Variants in CASK observed in about 807,000 individuals in gnomAD.
CASK encodes the protein calcium/calmodulin dependent serine protein kinase.
Under a neutral mutation model 82.9 loss-of-function variants are expected in CASK, and 4 were observed. That is an observed-to-expected ratio of 0.05 (90% CI 0.02 to 0.11). The LOEUF (loss-of-function observed/expected upper bound fraction) is 0.11, where lower values mean the gene tolerates loss of function less well. Ranked by LOEUF, CASK falls within the 10% of genes least tolerant of loss-of-function variation. The pLI is 1.00. For missense variants in CASK, 358 were observed against 720.9 expected, an observed-to-expected ratio of 0.50 and a Z score of 5.76; for synonymous variants, 259 against 253.5, an observed-to-expected ratio of 1.02 and a Z score of -0.20.
intron 1 of CASK, among the ~76,000 whole-genome samples, chrX:41,884,327 A>T (rs1193149062): frequency 8.9e-6 from 1 of 112,128 alleles, no homozygotes; most frequent in Non-Finnish European, 1.9e-5. Flanking sequence ...ACACCAGACC[A>T]CAAGAAGCCA....
rs1238861128 is a variant in CASK, at chrX:41,768,399, C to T, written c.278+18779G>A. ...GTATGTGTACTAACTCATGTATGCA[C>T]ATATAATTTATGATTTCTGTATATA... is the stretch of plus-strand genomic sequence containing the variant. On this transcript the variant is annotated intron_variant, in intron 3 of 26. Transcript: ENST00000378163. 2.7e-5 allele frequency among the ~76,000 whole-genome samples: 3 copies of T among 111,151 alleles called. 1 individual carries two copies. The highest frequency in any genetic ancestry group is 3.8e-5 in the Non-Finnish European group (2 of 53,094).
intron 2 of CASK, among the ~76,000 whole-genome samples, chrX:41,809,989 G>C (rs1388903042): frequency 2.7e-5 from 3 of 112,344 alleles, no homozygotes; most frequent in Non-Finnish European, 3.8e-5. Flanking sequence ...AAGGGTATCA[G>C]TGACTGAAGA....
At chrX:41,562,651 T>A (rs1383135506) in intron 16 of CASK, 2 of 111,673 alleles carry the variant, frequency 1.8e-5, no homozygotes, top group Non-Finnish European at 3.8e-5. Flanking sequence ...AAAAATATCA[T>A]AATAGAAATA....
chrX:41,861,707 G>A (rs1234626758), intron 1 of CASK, among the ~76,000 whole-genome samples: 1 of 101,306 alleles, frequency 9.9e-6, no homozygotes, highest in African/African-American at 3.7e-5. Context: ...GTTGACATAT[G>A]TGTGTGCGTG....
intron 3 of CASK, among the ~76,000 whole-genome samples, chrX:41,767,486 T>C (rs749038958): frequency 8.9e-6 from 1 of 112,066 alleles, no homozygotes; most frequent in African/African-American, 3.2e-5. Flanking sequence ...AGAGTAACTC[T>C]GGTACATTAC....
intron 2 of CASK, among the ~76,000 whole-genome samples, chrX:41,787,760 A>G (rs2069641611): frequency 9.0e-6 from 1 of 111,619 alleles, no homozygotes; most frequent in South Asian, 3.7e-4. Context: ...TTATAGACCT[A>G]TCAGGGAAGT....
intron 25 of CASK, among the ~76,000 whole-genome samples, chrX:41,527,895 T>C (rs1451757233): frequency 8.9e-6 from 1 of 112,457 alleles, no homozygotes; most frequent in Non-Finnish European, 1.9e-5. Flanking sequence ...AGCTTTATTT[T>C]CATGAGAAAT....
chrX:41,570,010 C>CTTTTTTTTTTTTTTTTTTTTTTTTTTT (rs397937722), intron 15 of CASK, among the ~76,000 whole-genome samples: 4 of 70,628 alleles, frequency 5.7e-5, no homozygotes, highest in Non-Finnish European at 1.1e-4. Flanking sequence ...TTTCTTTTTT[C>CTTTTTTTTTTTTTTTTTTTTTTTTTTT]TTTTTTTTTT....
At chrX:41,684,741 GCCCGCCTCATCCT>G (rs2067414521) in intron 5 of CASK, among the ~76,000 whole-genome samples, 1 of 111,147 alleles carries the variant, frequency 9.0e-6, no homozygotes, top group Admixed American at 9.6e-5. Context: ...CAAGTGATCC[GCCCGCCTCATCCT>G]CCCAAAGTGC....
At chrX:41,857,001 T>C (rs1196110012) in intron 1 of CASK, among the ~76,000 whole-genome samples, 4 of 110,436 alleles carry the variant, frequency 3.6e-5, no homozygotes, top group African/African-American at 6.6e-5. Context: ...GACTTTTCTA[T>C]TGAATATCTG....
intron 3 of CASK, among the ~76,000 whole-genome samples, chrX:41,757,287 T>C (rs892688757): frequency 7.2e-5 from 8 of 111,546 alleles, no homozygotes; most frequent in Admixed American, 1.9e-4. Context: ...GTCCCATAAC[T>C]ACCATCTTTT....
At chrX:41,693,897 C>A (rs976263202) in intron 5 of CASK, among the ~76,000 whole-genome samples, 2 of 111,809 alleles carry the variant, frequency 1.8e-5, no homozygotes, top group East Asian at 2.8e-4. Context: ...CTTAATGTTA[C>A]CCTCTACCAA....
chrX:41,675,401 C>A (rs964398631), intron 5 of CASK, among the ~76,000 whole-genome samples: 5 of 112,253 alleles, frequency 4.5e-5, no homozygotes, highest in African/African-American at 1.6e-4. Flanking sequence ...TATTCCCCAC[C>A]AGGACAAACC....
In CASK at chrX:41,589,507, T is replaced by C. The variant is rs1412949036; in HGVS notation, c.1233+8A>G. ...ATGCCAAATACTTCTATAAAATATATCACTTACCTCTTTGGCTCTCTGTAC... is the reference window on the plus strand; with the variant it reads ...ATGCCAAATACTTCTATAAAATATACCACTTACCTCTTTGGCTCTCTGTAC... On this transcript the variant is annotated splice_region_variant and intron_variant, in intron 13 of 26. Coordinates refer to ENST00000378163, the MANE Select transcript of CASK (RefSeq NM_001367721.1). 12 of 1,151,856 alleles carry C rather than the reference T, an allele frequency of 1.0e-5. No homozygotes were observed. The highest frequency in any genetic ancestry group is 1.4e-5 in the Non-Finnish European group (12 of 842,592). The allele number at this position is 1,151,856 out of a possible 1,213,427, so 94.9% of individuals were successfully genotyped here.
chrX:41,727,301 A>T, intron 5 of CASK: 1 of 1,209,267 alleles, frequency 8.3e-7, no homozygotes, highest in African/African-American at 1.7e-5. Flanking sequence ...AGAGTGGTCA[A>T]TTTTCTGGGA....
intron 11 of CASK, among the ~76,000 whole-genome samples, chrX:41,615,743 G>A (rs912493215): frequency 5.5e-5 from 6 of 108,595 alleles, no homozygotes; most frequent in Admixed American, 2.0e-4. Flanking sequence ...AGCGATTCTC[G>A]TGCCTCAGCC....
intron 3 of CASK, among the ~76,000 whole-genome samples, chrX:41,782,748 T>C (rs1335423483): frequency 8.9e-6 from 1 of 112,172 alleles, no homozygotes. Flanking sequence ...TCTACTACAC[T>C]GTCACTAAGT....
At chrX:41,659,935 G>A (rs1266425820) in intron 8 of CASK, among the ~76,000 whole-genome samples, 1 of 108,047 alleles carries the variant, frequency 9.3e-6, no homozygotes, top group Non-Finnish European at 1.9e-5. Context: ...AGGAGCAGAG[G>A]TTGCAGTGAG....
chrX:41,851,919 T>C (rs2147968995), intron 2 of CASK, among the ~76,000 whole-genome samples: 1 of 111,026 alleles, frequency 9.0e-6, no homozygotes, highest in African/African-American at 3.3e-5. Flanking sequence ...TTAAAGGCAG[T>C]TAAAGGTGTA....
Sources: gnomAD v4.1 joint callset for allele counts (sites outside exome capture counted in the v4.1 genomes callset) on GRCh38, gnomAD v4.1.1 for gene constraint, MANE v1.5 for transcripts, NCBI Gene and HGNC (gene_info 2026-07-23, HGNC 2026-07-21) for gene names.